The following TRMT11 variants were observed in gnomAD, a reference collection of about 807,000 sequenced individuals.
TRMT11 encodes the protein tRNA methyltransferase 11.
A neutral mutation model predicts 62.8 loss-of-function variants in TRMT11; 53 were observed. The ratio of observed to expected loss-of-function variants is 0.84; its 90% confidence interval spans 0.68 to 1.06. TRMT11 has a LOEUF of 1.06. Ranked by LOEUF, TRMT11 falls within the 50% of genes least tolerant of loss-of-function variation. TRMT11 has a pLI of 0.00. For synonymous variants in TRMT11, 188 were observed against 190.3 expected (o/e 0.99, Z 0.10); for missense variants, 556 against 553.4 (o/e 1.00, Z -0.05).
At chr6:126,207,043 G>A (rs1054529845), downstream of TRMT11, among the ~76,000 whole-genome samples, 1 of 152,162 alleles carries the variant, frequency 6.6e-6, no homozygotes, top group Non-Finnish European at 1.5e-5. Context: ...TGGACATGAT[G>A]TCATTATTTG....
At chr6:126,094,649 A>T (rs1777320768) in intron 17 of TRMT11, among the ~76,000 whole-genome samples, 1 of 152,204 alleles carries the variant, frequency 6.6e-6, no homozygotes, top group African/African-American at 2.4e-5. Flanking sequence ...GATTTCGTCT[A>T]GGCCTGGCCT....
rs1792147551 is a variant in TRMT11, at chr6:125,999,613, G to A, written c.679G>A (p.Gly227Ser). 6.2e-7 allele frequency: 1 copy of A among 1,604,724 alleles called. No individual in the cohort carries two copies. Among genetic ancestry groups the A allele is most frequent in the African/African-American group, 1.3e-5 (1 of 74,360 alleles). ...TGTCTTTGATCCATTTGTTGGAACA[G>A]GTATTTTTATTTAACTTTTAAGCTA... The part of the protein sequence containing the change: ...DIVFDPFVGT[G>S]GLLIACAHFG... The change falls in exon 7 of 13, where the codon GGT (glycine) becomes AGT (serine). Residue 227 changes from glycine to serine, a missense_variant and splice_region_variant. Coordinates refer to ENST00000334379, the MANE Select transcript of TRMT11 (RefSeq NM_001031712.3).
At chr6:126,138,281 C>T (rs1777875961) in intron 21 of TRMT11, among the ~76,000 whole-genome samples, 1 of 151,772 alleles carries the variant, frequency 6.6e-6, no homozygotes, top group South Asian at 2.1e-4. Flanking sequence ...TTATGAATAG[C>T]TGAATATCTG....
intron 1 of TRMT11, among the ~76,000 whole-genome samples, chr6:126,196,277 G>T (rs888732483): frequency 6.6e-6 from 1 of 152,132 alleles, no homozygotes; most frequent in African/African-American, 2.4e-5. Context: ...AAACAAGGAG[G>T]TTGTGGCAGT....
At chr6:126,115,725 G>GT (rs1320166795) in intron 20 of TRMT11, among the ~76,000 whole-genome samples, 7 of 151,982 alleles carry the variant, frequency 4.6e-5, no homozygotes, top group African/African-American at 1.7e-4. Context: ...GTGACTCTGG[G>GT]TTTTTTTCAC....
At chr6:126,017,174 G>C (rs1795114035) in intron 11 of TRMT11, among the ~76,000 whole-genome samples, 1 of 152,094 alleles carries the variant, frequency 6.6e-6, no homozygotes, top group Non-Finnish European at 1.5e-5. Flanking sequence ...CCTTAGTGTA[G>C]CTTAATTTTA....
chr6:125,998,027 G>T, intron 3 of TRMT11, 26 bp from the exon 4 acceptor site: 1 of 1,505,164 alleles, frequency 6.6e-7, no homozygotes, highest in Non-Finnish European at 9.2e-7. Flanking sequence ...CTTTACTGAG[G>T]TTAGTACCAA....
At chr6:126,050,891 G>C (rs951105484) in intron 16 of TRMT11, among the ~76,000 whole-genome samples, 2 of 152,184 alleles carry the variant, frequency 1.3e-5, no homozygotes, top group African/African-American at 4.8e-5. Context: ...AGGCACTACA[G>C]GGTCAAAGAT....
chr6:126,131,237 ATT>A (rs1312022422), intron 21 of TRMT11, among the ~76,000 whole-genome samples: 1 of 152,044 alleles, frequency 6.6e-6, no homozygotes, highest in Non-Finnish European at 1.5e-5. Flanking sequence ...GGACAAGAGA[ATT>A]GGTGTTAGAG....
At chr6:126,047,002 A>T (rs1344514478) in intron 16 of TRMT11, among the ~76,000 whole-genome samples, 1 of 152,052 alleles carries the variant, frequency 6.6e-6, no homozygotes, top group Non-Finnish European at 1.5e-5. Flanking sequence ...TGCTGATTGG[A>T]GACTCTGGTA....
In TRMT11 at chr6:126,012,994, CTTGAG is replaced by C. The variant is rs1794453834; in HGVS notation, c.1035_1039del (p.Tyr347SerfsTer3). ...GTCCAGAAAGCCATGTTCCTGTTTCCTTGAGTTATCATCTGAGTGATATGTTTCTT... is the reference window on the plus strand; with the variant it reads ...GTCCAGAAAGCCATGTTCCTGTTTCCTTATCATCTGAGTGATATGTTTCTT... On this transcript the variant is annotated frameshift_variant, in exon 11 of 13. Coordinates refer to ENST00000334379, the MANE Select transcript of TRMT11 (RefSeq NM_001031712.3). LOFTEE classifies it high-confidence loss of function. 6.2e-7 allele frequency: 1 copy of C among 1,613,280 alleles called. No individual in the cohort carries two copies. The highest frequency in any genetic ancestry group is 8.5e-7 in the Non-Finnish European group (1 of 1,179,592).
At chr6:126,119,290 T>A (rs1014035208) in intron 21 of TRMT11, among the ~76,000 whole-genome samples, 1 of 152,086 alleles carries the variant, frequency 6.6e-6, no homozygotes, top group African/African-American at 2.4e-5. Context: ...GTGGTGTGAT[T>A]TGAGAAATCC....
At chr6:126,213,915 T>C in the TRMT11 span, among the ~76,000 whole-genome samples, 1 of 152,012 alleles carries the variant, frequency 6.6e-6, no homozygotes, top group Non-Finnish European at 1.5e-5. Context: ...TGTTGACTTA[T>C]GTTCCTTCTC....
intron 12 of TRMT11, among the ~76,000 whole-genome samples, chr6:126,023,657 A>G (rs1796151716): frequency 6.6e-6 from 1 of 152,042 alleles, no homozygotes; most frequent in African/African-American, 2.4e-5. Context: ...AAAACAAACA[A>G]CAACAAAAAA....
chr6:126,093,610 TATATATATATA>T (rs1166245207), intron 17 of TRMT11, among the ~76,000 whole-genome samples: 1,737 of 95,290 alleles, frequency 0.018, 187 homozygotes, highest in African/African-American at 0.083. Flanking sequence ...TATATATATA[TATATATATATA>T]TATATATATA....
intron 17 of TRMT11, among the ~76,000 whole-genome samples, chr6:126,093,614 TATA>T (rs1260512022): frequency 2.9e-4 from 27 of 93,284 alleles, no homozygotes; most frequent in African/African-American, 1.8e-3. Context: ...TATATATATA[TATA>T]TATATATATA....
At chr6:126,192,108 C>G (rs1778610389) in intron 1 of TRMT11, among the ~76,000 whole-genome samples, 1 of 151,992 alleles carries the variant, frequency 6.6e-6, no homozygotes, top group African/African-American at 2.4e-5. Flanking sequence ...ATTTTGGTGT[C>G]CTCTAATTTC....
At chr6:126,171,706 T>C (rs1156894065) in intron 21 of TRMT11, among the ~76,000 whole-genome samples, 5 of 152,082 alleles carry the variant, frequency 3.3e-5, no homozygotes, top group African/African-American at 1.2e-4. Context: ...CTTGAGAAAC[T>C]GTGTCTTTAA....
At chr6:126,079,055 G>A (rs1266373098) in intron 17 of TRMT11, among the ~76,000 whole-genome samples, 1 of 152,102 alleles carries the variant, frequency 6.6e-6, no homozygotes, top group East Asian at 1.9e-4. Flanking sequence ...CAGCTGGTGA[G>A]TCCCTGGACC....
Sources: allele counts gnomAD v4.1 joint callset (sites outside exome capture counted in the v4.1 genomes callset), GRCh38; gene constraint gnomAD v4.1.1; transcripts MANE v1.5; gene names NCBI Gene and HGNC (gene_info 2026-07-23, HGNC 2026-07-21).